Variants in MYO1H observed in about 807,000 individuals in gnomAD.
The protein encoded by MYO1H is myosin IH, also known as unconventional myosin-Ih.
A neutral mutation model predicts 149.3 loss-of-function variants in MYO1H; 118 were observed. That is an observed-to-expected ratio of 0.79 (90% CI 0.68 to 0.92). The LOEUF (loss-of-function observed/expected upper bound fraction) is 0.92, where lower values mean the gene tolerates loss of function less well. Ranked by LOEUF, MYO1H falls within the 40% of genes least tolerant of loss-of-function variation. MYO1H has a pLI of 0.00. For missense variants in MYO1H, 1,212 were observed against 1,280.7 expected (o/e 0.95, Z 0.82); for synonymous variants, 447 against 465.2 (o/e 0.96, Z 0.50).
At chr12:109,427,411 T>C in intron 18 of MYO1H, 58 bp from the exon 19 acceptor site, 1 of 1,128,262 alleles carries the variant, frequency 8.9e-7, no homozygotes, top group South Asian at 1.2e-5. Flanking sequence ...TGATCTGCCT[T>C]GGTTGATATG....
intron 1 of MYO1H, among the ~76,000 whole-genome samples, chr12:109,362,467 A>AGAAAC (rs1449780514): frequency 6.6e-6 from 1 of 152,218 alleles, no homozygotes; most frequent in Non-Finnish European, 1.5e-5. Context: ...ATTACAAAAG[A>AGAAAC]CAGATTAACA....
chr12:109,443,180 GTA>G (rs1379244720), intron 27 of MYO1H, among the ~76,000 whole-genome samples: 6 of 117,578 alleles, frequency 5.1e-5, no homozygotes, highest in East Asian at 4.3e-4. Context: ...ACGTATGTGT[GTA>G]TATGTGTACG....
At chr12:109,368,289 G>A (rs1410211457) in intron 1 of MYO1H, among the ~76,000 whole-genome samples, 2 of 152,218 alleles carry the variant, frequency 1.3e-5, no homozygotes, top group African/African-American at 2.4e-5. Flanking sequence ...GGCTTGAGAT[G>A]TAAAAAGAGC....
At chr12:109,319,909 CAG>C in the MYO1H span, among the ~76,000 whole-genome samples, 1 of 152,160 alleles carries the variant, frequency 6.6e-6, no homozygotes, top group African/African-American at 2.4e-5. Flanking sequence ...GGAGAGGAAA[CAG>C]AACAGATTGT....
chr12:109,411,192 C>A (rs1351701947), intron 13 of MYO1H, among the ~76,000 whole-genome samples: 1 of 152,142 alleles, frequency 6.6e-6, no homozygotes, highest in African/African-American at 2.4e-5. Flanking sequence ...TGGTCTCTAA[C>A]TCCTGGGCTC....
chr12:109,406,466 TTAAAAAAAAAAAAAAAAAAA>T (rs59205614), intron 8 of MYO1H, among the ~76,000 whole-genome samples: 5,603 of 101,736 alleles, frequency 0.055, 425 homozygotes, highest in African/African-American at 0.18. Context: ...ACCCTATCTC[TTAAAAAAAAAAAAAAAAAAA>T]AAAAAAAAAA....
the MYO1H span, among the ~76,000 whole-genome samples, chr12:109,321,598 G>A: frequency 2.6e-5 from 4 of 152,094 alleles, no homozygotes; most frequent in South Asian, 2.1e-4. Flanking sequence ...TAGGAAACTC[G>A]TAGAAAAGGT....
At position 109,443,629 on chromosome 12, in the gene MYO1H, T is replaced by C. The variant is rs757830730; in HGVS notation, c.2804T>C (p.Ile935Thr). ...GAACTTGCCAAAATCAAGCAGAAAA[T>C]AGAGTACTCAGCTCTCAAAGGTAAG... Residue 935 changes from isoleucine to threonine, a missense_variant, in exon 28 of 32, where the codon ATA becomes ACA. Coordinates refer to ENST00000310903, the Ensembl canonical transcript of MYO1H. The C allele has an allele frequency of 6.8e-6, 11 of 1,613,108 alleles. No homozygotes were observed. Among genetic ancestry groups the C allele is most frequent in the Non-Finnish European group, 9.3e-6 (11 of 1,179,388 alleles).
intron 31 of MYO1H, chr12:109,446,133 A>T (rs1192356698): frequency 2.0e-6 from 2 of 985,358 alleles, no homozygotes; most frequent in African/African-American, 1.7e-5. Flanking sequence ...AAGGCTGCCC[A>T]TGTTAATACC....
At chr12:109,427,145 G>A (rs982110054) in intron 18 of MYO1H, among the ~76,000 whole-genome samples, 5 of 151,776 alleles carry the variant, frequency 3.3e-5, no homozygotes, top group South Asian at 2.1e-4. Context: ...GTGAAACCAC[G>A]TCTCTACTAA....
At chr12:109,406,576 G>GGA (rs1490227182) in intron 8 of MYO1H, among the ~76,000 whole-genome samples, 1 of 151,912 alleles carries the variant, frequency 6.6e-6, no homozygotes, top group Non-Finnish European at 1.5e-5. Context: ...CTTCAGCCCG[G>GGA]GAGGTGGAGG....
At chr12:109,427,344 C>A in intron 18 of MYO1H, 125 bp from the exon 19 acceptor site, 2 of 543,390 alleles carry the variant, frequency 3.7e-6, no homozygotes, top group Non-Finnish European at 6.7e-6. Flanking sequence ...AAAATTAAGA[C>A]CTCACGAAAT....
chr12:109,393,498 C>T lies in MYO1H; in HGVS notation c.290+52C>T, dbSNP rs1007444660. ...TAGGAGGATTTTTCTTTTTCCCCTT[C>T]CTCTCTCTCCTTCCTTCTCACCACG... On this transcript the variant is annotated intron_variant, in intron 3 of 31. Transcript: ENST00000310903. 1.9e-5 allele frequency: 18 copies of T among 948,580 alleles called. No homozygotes were observed. In the South Asian group the frequency reaches 2.7e-4, roughly 14 times the overall value. The allele number at this position is 948,580 out of a possible 1,614,324, so 58.8% of individuals were successfully genotyped here.
chr12:109,374,338 T>A (rs1869048809), intron 1 of MYO1H, among the ~76,000 whole-genome samples: 1 of 152,218 alleles, frequency 6.6e-6, no homozygotes, highest in Admixed American at 6.5e-5. Context: ...CCCCTCTGTG[T>A]CTCAGTTTCC....
chr12:109,429,176 C>T (rs926692066), intron 19 of MYO1H, among the ~76,000 whole-genome samples: 13 of 151,166 alleles, frequency 8.6e-5, no homozygotes, highest in African/African-American at 7.3e-5. Context: ...CACTGCACTC[C>T]AGCCTGGGTG....
chr12:109,446,840 T>C (rs1163552484), intron 31 of MYO1H, among the ~76,000 whole-genome samples: 1 of 152,190 alleles, frequency 6.6e-6, no homozygotes, highest in African/African-American at 2.4e-5. Flanking sequence ...CAAGTTAAAA[T>C]AAGGATCATT....
At chr12:109,436,925 C>CCAAAA (rs113006827) in intron 22 of MYO1H, among the ~76,000 whole-genome samples, 7,328 of 151,784 alleles carry the variant, frequency 0.048, 251 homozygotes, top group Non-Finnish European at 0.066. Context: ...CCTGTCTCTA[C>CCAAAA]CAAAACAAAA....
intron 1 of MYO1H, among the ~76,000 whole-genome samples, chr12:109,371,218 T>C (rs1057484003): frequency 2.1e-5 from 3 of 142,874 alleles, no homozygotes; most frequent in African/African-American, 8.2e-5. Flanking sequence ...TCTTTCTTTT[T>C]TTTTTTTTTT....
intron 1 of MYO1H, among the ~76,000 whole-genome samples, chr12:109,364,218 C>CA (rs1868818346): frequency 6.8e-6 from 1 of 147,852 alleles, no homozygotes; most frequent in Non-Finnish European, 1.5e-5. Flanking sequence ...ACAGCATGGG[C>CA]AATCCAGTAC....
Sources: allele counts gnomAD v4.1 joint callset (sites outside exome capture counted in the v4.1 genomes callset), GRCh38; gene constraint gnomAD v4.1.1; transcripts MANE v1.5; gene names NCBI Gene and HGNC (gene_info 2026-07-23, HGNC 2026-07-21).